SLC7A1: variants seen among roughly 807,000 people sequenced by gnomAD.
The protein encoded by SLC7A1 is solute carrier family 7 member 1.
SLC7A1 carries 10 observed loss-of-function variants against 53.9 expected under a neutral mutation model. The ratio of observed to expected loss-of-function variants is 0.19; its 90% CI spans 0.11 to 0.31. The LOEUF (loss-of-function observed/expected upper bound fraction) is 0.31, where lower values mean the gene tolerates loss of function less well. Among genes scored for constraint, SLC7A1 ranks in the 10% least tolerant of loss-of-function variants. SLC7A1 has a pLI of 1.00. For missense variants in SLC7A1, 525 were observed against 827.2 expected (o/e 0.63, Z 4.48); for synonymous variants, 342 against 338.7 (o/e 1.01, Z -0.11).
intron 1 of SLC7A1, among the ~76,000 whole-genome samples, chr13:29,592,906 C>T (rs913853151): frequency 6.6e-6 from 1 of 152,146 alleles, no homozygotes; most frequent in East Asian, 1.9e-4. Context: ...TCCCACAGGA[C>T]AAGTCCACCA....
intron 5 of SLC7A1, among the ~76,000 whole-genome samples, chr13:29,527,833 C>T (rs1052476279): frequency 1.3e-5 from 2 of 152,256 alleles, no homozygotes; most frequent in Non-Finnish European, 2.9e-5. Context: ...GTTAGTTGTG[C>T]TCAAAAGCCA....
At chr13:29,573,500 A>G (rs960073985) in intron 1 of SLC7A1, among the ~76,000 whole-genome samples, 1 of 152,236 alleles carries the variant, frequency 6.6e-6, no homozygotes, top group Non-Finnish European at 1.5e-5. Context: ...CTAAAGCCAG[A>G]GAGTGTCTGA....
intron 1 of SLC7A1, among the ~76,000 whole-genome samples, chr13:29,556,830 C>T (rs1040632348): frequency 1.3e-5 from 2 of 152,206 alleles, no homozygotes; most frequent in East Asian, 1.9e-4. Context: ...GTGAAATGAA[C>T]ACAGCCAAGC....
chr13:29,587,262 G>A (rs779744814), intron 1 of SLC7A1, among the ~76,000 whole-genome samples: 10 of 152,128 alleles, frequency 6.6e-5, no homozygotes, highest in Non-Finnish European at 1.3e-4. Context: ...GCAAAGACCC[G>A]TTCTGGGCCA....
In SLC7A1 at chr13:29,522,448, C is replaced by T; in HGVS notation, c.1058G>A (p.Gly353Asp). ...AACCCGAGGCATGGGAAACATGGAACCTAGAAGACTAGATGGGGAGAGGCA... is the reference window on the plus strand; with the variant it reads ...AACCCGAGGCATGGGAAACATGGAATCTAGAAGACTAGATGGGGAGAGGCA... ...SLCALSASLL[G>D]SMFPMPRVIY... Residue 353 changes from glycine to aspartate, a missense_variant, in exon 8 of 13, where the codon GGT (glycine) becomes GAT (aspartate). Coordinates refer to ENST00000380752, the MANE Select transcript of SLC7A1 (RefSeq NM_003045.5). 1 of 1,614,142 alleles carries T rather than the reference C, an allele frequency of 6.2e-7. No homozygotes were observed. Among genetic ancestry groups the T allele is most frequent in the Non-Finnish European group, 8.5e-7 (1 of 1,180,020 alleles).
chr13:29,519,680 C>T, intron 8 of SLC7A1, 131 bp from the exon 9 acceptor site: 1 of 577,792 alleles, frequency 1.7e-6, no homozygotes, highest in South Asian at 2.1e-5. Context: ...CCTGGCCTTC[C>T]CATGGAAAGA....
intron 1 of SLC7A1, among the ~76,000 whole-genome samples, chr13:29,571,934 C>T (rs569494448): frequency 6.6e-6 from 1 of 152,346 alleles, no homozygotes; most frequent in East Asian, 1.9e-4. Context: ...TCACTTCCTG[C>T]CTTTTAACTT....
chr13:29,535,741 G>T, intron 3 of SLC7A1, 78 bp downstream of exon 3: 1 of 1,459,222 alleles, frequency 6.9e-7, no homozygotes, highest in Non-Finnish European at 9.4e-7. Context: ...CTCCCTGTGG[G>T]GCATCCACCC....
intron 1 of SLC7A1, among the ~76,000 whole-genome samples, chr13:29,581,371 C>T (rs1221346482): frequency 6.6e-6 from 1 of 152,158 alleles, no homozygotes; most frequent in East Asian, 1.9e-4. Context: ...CTTTCAATGT[C>T]CCTGTGCAAA....
intron 1 of SLC7A1, among the ~76,000 whole-genome samples, chr13:29,556,480 G>C (rs1870445980): frequency 6.6e-6 from 1 of 152,062 alleles, no homozygotes; most frequent in African/African-American, 2.4e-5. Context: ...CTAGACTCAG[G>C]TGATTCTCCC....
intron 2 of SLC7A1, among the ~76,000 whole-genome samples, chr13:29,549,406 T>C (rs1209786661): frequency 1.3e-5 from 2 of 152,082 alleles, no homozygotes; most frequent in South Asian, 2.1e-4. Context: ...ACGTGGTCCA[T>C]ATTTTATCAT....
chr13:29,590,964 G>T (rs758398088), intron 1 of SLC7A1, among the ~76,000 whole-genome samples: 1 of 152,044 alleles, frequency 6.6e-6, no homozygotes, highest in Non-Finnish European at 1.5e-5. Flanking sequence ...ATAAAAATTA[G>T]CCGGGTGTGG....
At chr13:29,588,629 G>A (rs1009805440) in intron 1 of SLC7A1, among the ~76,000 whole-genome samples, 4 of 151,128 alleles carry the variant, frequency 2.6e-5, no homozygotes, top group East Asian at 1.9e-4. Context: ...TCAGCCTCCC[G>A]AGTAGCTGCA....
intron 4 of SLC7A1, among the ~76,000 whole-genome samples, chr13:29,531,002 C>A (rs182227325): frequency 1.3e-5 from 2 of 152,244 alleles, no homozygotes; most frequent in East Asian, 3.9e-4. Context: ...CTGCAGAGAT[C>A]TGGAGCATGA....
At chr13:29,594,032 T>C (rs1165408234) in intron 1 of SLC7A1, among the ~76,000 whole-genome samples, 1 of 152,270 alleles carries the variant, frequency 6.6e-6, no homozygotes, top group Non-Finnish European at 1.5e-5. Flanking sequence ...AGACCTTTTG[T>C]TTTAATAACA....
rs558788169 is a variant in SLC7A1 at position 29,584,937 on chromosome 13, G to A, written c.-115+10479C>T. On this transcript the variant is annotated intron_variant, in intron 1 of 12. Coordinates refer to ENST00000380752, the MANE Select transcript of SLC7A1 (RefSeq NM_003045.5). ...AACTCTTTCAGACAGGTTCTTCGTC[G>A]CATCACGCTGAATAAAATAAACTCA... is the stretch of plus-strand genomic sequence containing the variant. Among the ~76,000 whole-genome samples, 132 of 152,176 alleles carry A rather than the reference G, an allele frequency of 8.7e-4. 1 individual carries two copies. The highest frequency in any genetic ancestry group is 6.8e-3 in the Middle Eastern group (2 of 294).
chr13:29,593,550 A>T (rs374502360), intron 1 of SLC7A1, among the ~76,000 whole-genome samples: 50 of 152,386 alleles, frequency 3.3e-4, no homozygotes, highest in African/African-American at 1.2e-3. Context: ...CAATCCCTCC[A>T]AATACATGGT....
chr13:29,537,284 G>A lies in SLC7A1; in HGVS notation c.-14-1082C>T, dbSNP rs543335291. 2.6e-5 allele frequency among the ~76,000 whole-genome samples: 4 copies of A among 152,368 alleles called. No homozygotes were observed. In the South Asian group the frequency reaches 6.2e-4, roughly 24 times the overall value. ...AGTCATGTTGGCAGAGCGATGTGAT[G>A]AGAGGGGCACTTCATCTCCACAGTC... On this transcript the variant is annotated intron_variant, in intron 2 of 12. Transcript: ENST00000380752.
chr13:29,533,085 G>A (rs994849263), intron 3 of SLC7A1, 103 bp from the exon 4 acceptor site: 97 of 1,174,286 alleles, frequency 8.3e-5, no homozygotes, highest in Middle Eastern at 8.1e-4. Flanking sequence ...AGTCACCGAC[G>A]GTGCACTGGA....
Sources: allele counts gnomAD v4.1 joint callset (sites outside exome capture counted in the v4.1 genomes callset), GRCh38; gene constraint gnomAD v4.1.1; transcripts MANE v1.5; gene names NCBI Gene and HGNC (gene_info 2026-07-23, HGNC 2026-07-21).